MAP2K5: variants seen among roughly 807,000 people sequenced by gnomAD.
MAP2K5 encodes dual specificity mitogen-activated protein kinase kinase 5.
In MAP2K5, 49 loss-of-function variants were observed where a neutral mutation model predicts 83.1. That is an observed-to-expected ratio of 0.59 (90% CI 0.47 to 0.75). The LOEUF (loss-of-function observed/expected upper bound fraction) is 0.75, where lower values mean the gene tolerates loss of function less well. Among genes scored for constraint, MAP2K5 ranks in the 30% least tolerant of loss-of-function variants. The pLI, the probability that MAP2K5 is intolerant of heterozygous loss-of-function variation, is 0.00. For synonymous variants in MAP2K5, 202 were observed against 191.8 expected, an observed-to-expected ratio of 1.05 and a Z score of -0.44; for missense variants, 457 against 557.5, an observed-to-expected ratio of 0.82 and a Z score of 1.82.
intron 21 of MAP2K5, among the ~76,000 whole-genome samples, chr15:67,773,664 G>A (rs1271503152): frequency 2.0e-5 from 3 of 152,182 alleles, no homozygotes; most frequent in Non-Finnish European, 2.9e-5. Flanking sequence ...CATCATGAAT[G>A]CTTTCCAGGA....
chr15:67,615,276 G>GT (rs1357072642), intron 8 of MAP2K5, among the ~76,000 whole-genome samples: 1 of 152,184 alleles, frequency 6.6e-6, no homozygotes, highest in Non-Finnish European at 1.5e-5. Flanking sequence ...GGAATTATAG[G>GT]TGTGAGCCAC....
rs1257138340 is a variant in MAP2K5 at position 67,563,803 on chromosome 15, A to G, written c.252+453A>G. ...AAGATGTACTGTTGGTTATTTATGC[A>G]CTACCCATAATACTCCCACCGAAAA... On this transcript the variant is annotated intron_variant, in intron 3 of 21. Transcript: ENST00000178640. This position sits in a 1 kb window ranked among gnomAD's most constrained non-coding sequence, Gnocchi z 4.5. 6.6e-6 allele frequency among the ~76,000 whole-genome samples: 1 copy of G among 152,126 alleles called. No individual in the cohort carries two copies. The highest frequency in any genetic ancestry group is 2.4e-5 in the African/African-American group (1 of 41,428).
chr15:67,634,696 T>A (rs1950266243), intron 9 of MAP2K5, among the ~76,000 whole-genome samples: 1 of 152,204 alleles, frequency 6.6e-6, no homozygotes, highest in African/African-American at 2.4e-5. Flanking sequence ...TGTGATCATA[T>A]TCTTTGCTCT....
Position 67,676,632 on chromosome 15 carries a change from A to T in MAP2K5, c.847+11987A>T, listed in dbSNP as rs1371424410. 6.6e-6 allele frequency among the ~76,000 whole-genome samples: 1 copy of T among 152,146 alleles called. No individual in the cohort carries two copies. Among genetic ancestry groups the T allele is most frequent in the Non-Finnish European group, 1.5e-5 (1 of 68,014 alleles). On this transcript the variant is annotated intron_variant, in intron 13 of 21. Transcript: ENST00000178640. This position sits in a 1 kb window ranked among gnomAD's most constrained non-coding sequence, Gnocchi z 4.8. ...GATAACAATATTAATCATTTTCCTA[A>T]TATCATTTATTGAGTACCTTGTATG...
intron 19 of MAP2K5, among the ~76,000 whole-genome samples, chr15:67,765,125 C>T (rs1291991310): frequency 6.6e-6 from 1 of 152,164 alleles, no homozygotes; most frequent in Non-Finnish European, 1.5e-5. Context: ...CTTTGGGAGG[C>T]TGAAGCCAGT....
rs941869987 is a variant in MAP2K5 at position 67,690,974 on chromosome 15, G to A, written c.848-1505G>A. ...ATTTATTTCTTGGGGCGATGATACC[G>A]ATAAAAAGAGCTTACACCTGCCTGT... is the stretch of plus-strand genomic sequence containing the variant. On this transcript the variant is annotated intron_variant, in intron 13 of 21. Transcript: ENST00000178640. This position sits in a 1 kb window ranked among gnomAD's most constrained non-coding sequence, Gnocchi z 4.3. 5.9e-5 allele frequency among the ~76,000 whole-genome samples: 9 copies of A among 152,146 alleles called. No homozygotes were observed. The highest frequency in any genetic ancestry group is 5.8e-4 in the East Asian group (3 of 5,198).
chr15:67,624,338 CAAAA>C (rs755739176), intron 8 of MAP2K5, among the ~76,000 whole-genome samples: 1 of 78,312 alleles, frequency 1.3e-5, no homozygotes, highest in African/African-American at 5.3e-5. Context: ...GACTCCGTCT[CAAAA>C]AAAAAAAAAA....
chr15:67,780,118 T>C lies in MAP2K5; in HGVS notation c.1242+7366T>C, dbSNP rs1002264597. Among the ~76,000 whole-genome samples, 20 of 152,164 alleles carry C rather than the reference T, an allele frequency of 1.3e-4. No homozygotes were observed. Among genetic ancestry groups the C allele is most frequent in the African/African-American group, 2.4e-5 (1 of 41,442 alleles). ...TCTAGGTTGGAACAGCATTTAATTA[T>C]ATATTCATCTTATGGCCACAAGTTA... is the stretch of plus-strand genomic sequence containing the variant. On this transcript the variant is annotated intron_variant, in intron 21 of 21. Coordinates refer to ENST00000178640, the MANE Select transcript of MAP2K5 (RefSeq NM_145160.3). This position sits in a 1 kb window ranked among gnomAD's most constrained non-coding sequence, Gnocchi z 5.0.
rs1301514724 is a variant in MAP2K5 at position 67,708,130 on chromosome 15, A to G, written c.1044+4722A>G. ...CAGGAGTTCAACACTAGTCTGGGCA[A>G]CATAGCAAGACTCCATCTCTAAAAA... is the stretch of plus-strand genomic sequence containing the variant. On this transcript the variant is annotated intron_variant, in intron 16 of 21. Transcript: ENST00000178640. The surrounding 1 kb of genome is among the most constrained non-coding windows in gnomAD (Gnocchi z 4.9). Among the ~76,000 whole-genome samples, 1 of 152,140 alleles carries G rather than the reference A, an allele frequency of 6.6e-6. No homozygotes were observed. Among genetic ancestry groups the G allele is most frequent in the Non-Finnish European group, 1.5e-5 (1 of 68,016 alleles).
chr15:67,736,034 A>G lies in MAP2K5; in HGVS notation c.1074+8089A>G, dbSNP rs576917660. On this transcript the variant is annotated intron_variant, in intron 17 of 21. Coordinates refer to ENST00000178640, the MANE Select transcript of MAP2K5 (RefSeq NM_145160.3). This position sits in a 1 kb window ranked among gnomAD's most constrained non-coding sequence, Gnocchi z 4.3. ...TTTGGTGTTGTTCCGGTACTTTAACAGTACTACCATTGTTACTTTCATTTC... is the reference window on the plus strand; with the variant it reads ...TTTGGTGTTGTTCCGGTACTTTAACGGTACTACCATTGTTACTTTCATTTC... Among the ~76,000 whole-genome samples the G allele has an allele frequency of 6.6e-6, 1 of 152,348 alleles. No homozygotes were observed. The highest frequency in any genetic ancestry group is 2.1e-4 in the South Asian group (1 of 4,832).
At position 67,627,650 on chromosome 15, in the gene MAP2K5, G is replaced by A. The variant is rs148945161; in HGVS notation, c.546-3238G>A. ...CTTAATAACTAAATCATTTCTATAA[G>A]TCAGTCACCTTCAAAAAACTCTTGT... On this transcript the variant is annotated intron_variant, in intron 8 of 21. Coordinates refer to ENST00000178640, the MANE Select transcript of MAP2K5 (RefSeq NM_145160.3). Among the ~76,000 whole-genome samples, 703 of 152,224 alleles carry A rather than the reference G, an allele frequency of 4.6e-3. 6 individuals are homozygous for A. Among genetic ancestry groups the A allele is most frequent in the African/African-American group, 0.016 (678 of 41,534 alleles).
chr15:67,568,439 G>A (rs531574113), intron 3 of MAP2K5, among the ~76,000 whole-genome samples: 1 of 152,266 alleles, frequency 6.6e-6, no homozygotes, highest in South Asian at 2.1e-4. Context: ...TAACCACAGA[G>A]GTTTTGTTCA....
intron 8 of MAP2K5, among the ~76,000 whole-genome samples, chr15:67,630,582 C>T (rs2086449039): frequency 6.6e-6 from 1 of 152,228 alleles, no homozygotes; most frequent in African/African-American, 2.4e-5. Flanking sequence ...TCTCATTCTG[C>T]TGCTAGTTAC....
intron 11 of MAP2K5, among the ~76,000 whole-genome samples, chr15:67,653,238 T>C (rs1430769832): frequency 6.6e-6 from 1 of 152,152 alleles, no homozygotes; most frequent in African/African-American, 2.4e-5. Flanking sequence ...TCCTCACTTA[T>C]TTTCTTGGTC....
chr15:67,618,294 G>A (rs1291081161), intron 8 of MAP2K5, among the ~76,000 whole-genome samples: 1 of 152,120 alleles, frequency 6.6e-6, no homozygotes, highest in Non-Finnish European at 1.5e-5. Context: ...CCCATTCTTT[G>A]GGGTCTGTTG....
Position 67,758,374 on chromosome 15 carries a change from G to C in MAP2K5, c.1134+9773G>C, listed in dbSNP as rs1208105461. On this transcript the variant is annotated intron_variant, in intron 19 of 21. Coordinates refer to ENST00000178640, the MANE Select transcript of MAP2K5 (RefSeq NM_145160.3). This position sits in a 1 kb window ranked among gnomAD's most constrained non-coding sequence, Gnocchi z 4.7. The stretch of plus-strand genomic sequence containing the variant: ...CATGGTGGTACTCTCCTGAGATGGG[G>C]CACACGGAAAGAGAGGCATTTTCAA... Among the ~76,000 whole-genome samples, 1 of 152,076 alleles carries C rather than the reference G, an allele frequency of 6.6e-6. No individual in the cohort carries two copies. The highest frequency in any genetic ancestry group is 6.6e-5 in the Admixed American group (1 of 15,266).
Position 67,769,584 on chromosome 15 carries a change from GTTTTTCCTCCA to G in MAP2K5, c.1135-16_1135-6del. ...GAACTGTTGTGACTTTTGGTGACAT[GTTTTTCCTCCA>G]TCACAGGATTCGCCCGTCCTTCCAG... On this transcript the variant is annotated splice_region_variant and splice_polypyrimidine_tract_variant and intron_variant, in intron 19 of 21. Coordinates refer to ENST00000178640, the MANE Select transcript of MAP2K5 (RefSeq NM_145160.3). This position sits in a 1 kb window ranked among gnomAD's most constrained non-coding sequence, Gnocchi z 5.2. 1 of 1,613,216 alleles carries G rather than the reference GTTTTTCCTCCA, an allele frequency of 6.2e-7. No individual in the cohort carries two copies. The highest frequency in any genetic ancestry group is 8.5e-7 in the Non-Finnish European group (1 of 1,179,326).
rs574087858 is a variant in MAP2K5 at position 67,775,800 on chromosome 15, G to C, written c.1242+3048G>C. ...ATTCCAGGCAAAGGAAACAGGATGG[G>C]CAAAGCATGAGTGTATCTCGGTTTC... On this transcript the variant is annotated intron_variant, in intron 21 of 21. Transcript: ENST00000178640. This position sits in a 1 kb window ranked among gnomAD's most constrained non-coding sequence, Gnocchi z 5.3. Among the ~76,000 whole-genome samples, 2 of 152,302 alleles carry C rather than the reference G, an allele frequency of 1.3e-5. No individual in the cohort carries two copies. Among genetic ancestry groups the C allele is most frequent in the East Asian group, 3.9e-4 (2 of 5,184 alleles).
chr15:67,805,308 GCATTCTCCT>G (rs2090781024), intron 21 of MAP2K5, among the ~76,000 whole-genome samples: 1 of 152,156 alleles, frequency 6.6e-6, no homozygotes, highest in South Asian at 2.1e-4. Context: ...GGCGGCCTGA[GCATTCTCCT>G]GTCCCCCACA....
Sources: gnomAD v4.1 joint callset for allele counts (sites outside exome capture counted in the v4.1 genomes callset) on GRCh38, gnomAD v4.1.1 for gene constraint, Gnocchi (gnomAD v3.1) non-coding constraint, MANE v1.5 for transcripts, NCBI Gene and HGNC (gene_info 2026-07-23, HGNC 2026-07-21) for gene names.